Variants in MEIOC observed in about 807,000 individuals in gnomAD.
MEIOC encodes the protein meiosis-specific coiled-coil domain-containing protein MEIOC.
A neutral mutation model predicts 85.3 loss-of-function variants in MEIOC; 9 were observed. The observed-to-expected ratio is 0.11, with a 90% CI of 0.06 to 0.18. The LOEUF is 0.18. Among genes scored for constraint, MEIOC ranks in the 10% least tolerant of loss-of-function variants. The probability of loss-of-function intolerance (pLI) is 1.00; values close to 1 mark genes in which losing one functional copy is unlikely to be tolerated. For missense variants in MEIOC, 898 were observed against 1,129.4 expected, an observed-to-expected ratio of 0.80 and a Z score of 2.94; for synonymous variants, 365 against 393.7, an observed-to-expected ratio of 0.93 and a Z score of 0.86.
Position 44,667,287 on chromosome 17 carries a change from A to G in MEIOC, c.1376A>G (p.Asn459Ser). The change falls in exon 5 of 8, where the codon AAT (asparagine) becomes AGT (serine). Residue 459 changes from asparagine to serine, a missense_variant. By Grantham distance (46) the Asn-to-Ser change is conservative. Coordinates refer to ENST00000409122, the MANE Select transcript of MEIOC (RefSeq NM_001145080.3). ...PPHSEYFKSVNLLSNSATSSG... is the reference protein window; with the variant it reads ...PPHSEYFKSVSLLSNSATSSG... ...CATTCTGAGTATTTTAAATCAGTGA[A>G]TTTATTATCAAACTCAGCAACATCT... 6.2e-7 allele frequency: 1 copy of G among 1,613,716 alleles called. No homozygotes were observed.
intron 2 of MEIOC, among the ~76,000 whole-genome samples, chr17:44,660,619 G>C (rs570599027): frequency 1.3e-5 from 2 of 152,086 alleles, no homozygotes; most frequent in African/African-American, 4.8e-5. Context: ...TTGCATCTCA[G>C]GTTTTAATAG....
At chr17:44,673,239 G>A in intron 6 of MEIOC, 127 bp from the exon 7 acceptor site, 1 of 652,172 alleles carries the variant, frequency 1.5e-6, no homozygotes, top group Non-Finnish European at 2.4e-6. Flanking sequence ...TCAGGACACA[G>A]TAAGCATTCT....
chr17:44,665,566 T>A, intron 4 of MEIOC, 78 bp downstream of exon 4: 1 of 602,484 alleles, frequency 1.7e-6, no homozygotes, highest in African/African-American at 1.9e-5. Context: ...TTAACTTTTA[T>A]TTTTACTTAA....
Position 44,665,505 on chromosome 17 carries a change from T to C in MEIOC, c.464+17T>C, listed in dbSNP as rs1287228814. 1 of 1,384,330 alleles carries C rather than the reference T, an allele frequency of 7.2e-7. No homozygotes were observed. The highest frequency in any genetic ancestry group is 9.8e-7 in the Non-Finnish European group (1 of 1,018,246). 85.8% of individuals were successfully genotyped at this position (1,384,330 alleles called of 1,614,324 possible). ...TGCTGAAGGGTTAGTATATAATCTA[T>C]ATAGTATATAACAGGCTTTTAAACT... On this transcript the variant is annotated intron_variant, in intron 4 of 7. Coordinates refer to ENST00000409122, the MANE Select transcript of MEIOC (RefSeq NM_001145080.3).
downstream of MEIOC, chr17:44,675,974 CA>C (rs1972069731): frequency 5.9e-6 from 1 of 169,470 alleles, no homozygotes; most frequent in Admixed American, 6.5e-5. Flanking sequence ...TGGATCTAAC[CA>C]GATCTCCTTC....
chr17:44,656,535 A>G lies in MEIOC; in HGVS notation c.-79A>G. The G allele has an allele frequency of 1.7e-6, 2 of 1,144,520 alleles. No homozygotes were observed. Among genetic ancestry groups the G allele is most frequent in the Non-Finnish European group, 2.3e-6 (2 of 869,976 alleles). The allele number at this position is 1,144,520 out of a possible 1,614,324, so 70.9% of individuals were successfully genotyped here. On this transcript the variant is annotated 5_prime_UTR_variant, in exon 1 of 8. Transcript: ENST00000409122. ...GAGACGGCGGGGTGCGGGCTGAGGGAGCCGGGCCTGGACGCCCCCCCCATC... is the reference window on the plus strand; with the variant it reads ...GAGACGGCGGGGTGCGGGCTGAGGGGGCCGGGCCTGGACGCCCCCCCCATC...
chr17:44,671,070 A>G (rs1325804009), intron 6 of MEIOC: 1 of 152,110 alleles, frequency 6.6e-6, no homozygotes, highest in Non-Finnish European at 1.5e-5. Context: ...AAAACGGATT[A>G]CCTCTTTTAT....
At chr17:44,665,345 C>A in intron 3 of MEIOC, 39 bp from the exon 4 acceptor site, 5 of 1,292,710 alleles carry the variant, frequency 3.9e-6, no homozygotes, top group South Asian at 3.5e-5. Flanking sequence ...AAAGAGTAAT[C>A]AATATATTGT....
rs973410140 is a variant in MEIOC at position 44,675,471 on chromosome 17, T to C, written c.*1275T>C. On this transcript the variant is annotated 3_prime_UTR_variant, in exon 8 of 8. Coordinates refer to ENST00000409122, the MANE Select transcript of MEIOC (RefSeq NM_001145080.3). ...ATCCTTGACTAGAAACACTGATGTT[T>C]TAAATGTTAGTGTTTTTCTTAGTTT... 1 of 964,790 alleles carries C rather than the reference T, an allele frequency of 1.0e-6. No individual in the cohort carries two copies. The allele number at this position is 964,790 out of a possible 1,614,324, so 59.8% of individuals were successfully genotyped here.
chr17:44,667,876 C>A lies in MEIOC; in HGVS notation c.1965C>A (p.Ser655Arg), dbSNP rs752932139. ...NSHRTRGGDN[S>R]RVNRTQVSCF... ...ACAGAACGAGAGGTGGAGACAATAG[C>A]CGTGTGAATCGCACACAAGTGTCAT... Residue 655 changes from serine (S) to arginine (R), a missense_variant, in exon 5 of 8, where the codon AGC becomes AGA. Ser to Arg is a moderately radical substitution (Grantham distance 110, BLOSUM62 -1). Around this residue, in one of 2 missense-constraint regions of MEIOC, gnomAD observed 734 missense variants for 860.1 expected, o/e 0.85. Transcript: ENST00000409122. 1.4e-5 allele frequency: 23 copies of A among 1,613,762 alleles called. No individual in the cohort carries two copies. The highest frequency in any genetic ancestry group is 5.0e-5 in the Admixed American group (3 of 59,982).
At position 44,674,411 on chromosome 17, in the gene MEIOC, A is replaced by C. The variant is rs866108269; in HGVS notation, c.*215A>C. The C allele has an allele frequency of 5.3e-5, 70 of 1,325,116 alleles. No homozygotes were observed. The African/African-American group carries it at 9.8e-4, about 19-fold the overall frequency. The allele number at this position is 1,325,116 out of a possible 1,614,324, so 82.1% of individuals were successfully genotyped here. On this transcript the variant is annotated 3_prime_UTR_variant, in exon 8 of 8. Transcript: ENST00000409122. ...AACGCAAAGGTACAGTTGACTACTC[A>C]GAGTTCTGAGTAGTCAGATAACAAG...
intron 5 of MEIOC, among the ~76,000 whole-genome samples, 172 bp from the exon 6 acceptor site, chr17:44,669,211 A>G (rs1354446983): frequency 6.6e-6 from 1 of 152,178 alleles, no homozygotes; most frequent in African/African-American, 2.4e-5. Flanking sequence ...TGAAAAAAAA[A>G]AGATAGAAAA....
Position 44,668,182 on chromosome 17 carries a change from T to C in MEIOC, c.2271T>C (p.Arg757=). ...RSGPASELHI[R]LEECCEQWRA... is the part of the protein sequence containing the mutation. ...GACCAGCCAGTGAACTTCATATTCG[T>C]CTAGAAGAGTGCTGTGAACAATGGA... The change falls in exon 5 of 8, where the codon CGT becomes CGC. Residue 757 remains arginine, a synonymous_variant. Coordinates refer to ENST00000409122, the MANE Select transcript of MEIOC (RefSeq NM_001145080.3). 1 of 1,613,672 alleles carries C rather than the reference T, an allele frequency of 6.2e-7. No homozygotes were observed. The highest frequency in any genetic ancestry group is 8.5e-7 in the Non-Finnish European group (1 of 1,179,758).
In MEIOC at chr17:44,675,582, A is replaced by T; in HGVS notation, c.*1386A>T. On this transcript the variant is annotated 3_prime_UTR_variant, in exon 8 of 8. Transcript: ENST00000409122. ...TGATGTGCAGAAGAAACTGATTGAG[A>T]ATGCAAGAGTAACTGTAGGGAGAAA... 1.0e-6 allele frequency: 1 copy of T among 984,232 alleles called. No homozygotes were observed. The highest frequency in any genetic ancestry group is 1.2e-6 in the Non-Finnish European group (1 of 828,852). The allele number at this position is 984,232 out of a possible 1,614,324, so 61.0% of individuals were successfully genotyped here. A position where few individuals can be genotyped will look rare whatever the true frequency, so the allele number is the denominator to read the frequency against.
intron 2 of MEIOC, among the ~76,000 whole-genome samples, chr17:44,658,447 G>A (rs1250935460): frequency 1.3e-5 from 2 of 150,804 alleles, no homozygotes; most frequent in East Asian, 2.0e-4. Flanking sequence ...GAGCCACCGC[G>A]CCCGGCTACA....
At chr17:44,665,123 G>A (rs1468946031) in intron 3 of MEIOC, 1 of 1,019,360 alleles carries the variant, frequency 9.8e-7, no homozygotes, top group Non-Finnish European at 1.2e-6. Flanking sequence ...ACCATGTGTT[G>A]TGGAGAAATA....
chr17:44,673,634 T>A, intron 7 of MEIOC, 88 bp downstream of exon 7: 1 of 1,117,654 alleles, frequency 8.9e-7, no homozygotes, highest in East Asian at 2.6e-5. Context: ...AAAGATTAGA[T>A]TTCTAAAATT....
intron 6 of MEIOC, among the ~76,000 whole-genome samples, chr17:44,671,798 C>G (rs939324528): frequency 6.6e-6 from 1 of 151,278 alleles, no homozygotes; most frequent in East Asian, 1.9e-4. Context: ...CCCAGCTACT[C>G]GGGAGGCTGA....
At position 44,656,594 on chromosome 17, in the gene MEIOC, G is replaced by A. The variant is rs1971758317; in HGVS notation, c.-20G>A. 3.4e-6 allele frequency: 5 copies of A among 1,465,934 alleles called. No homozygotes were observed. Among genetic ancestry groups the A allele is most frequent in the Non-Finnish European group, 4.5e-6 (5 of 1,105,822 alleles). 90.8% of individuals were successfully genotyped at this position (1,465,934 alleles called of 1,614,324 possible). Reference sequence around the variant, plus strand: ...ACCCCAGGAGCTGTGCCTAGTCCAGGAGAGGCTGGGGGGCGCCCCATGGAG... The same window carrying A: ...ACCCCAGGAGCTGTGCCTAGTCCAGAAGAGGCTGGGGGGCGCCCCATGGAG... On this transcript the variant is annotated 5_prime_UTR_variant, in exon 1 of 8. Transcript: ENST00000409122.
Sources: gnomAD v4.1 joint callset for allele counts (sites outside exome capture counted in the v4.1 genomes callset) on GRCh38, gnomAD v4.1.1 for gene constraint, gnomAD v4.1.1 regional missense constraint, MANE v1.5 for transcripts, NCBI Gene and HGNC (gene_info 2026-07-23, HGNC 2026-07-21) for gene names.